Variants in SLC7A13 observed in about 807,000 individuals in gnomAD.
SLC7A13 encodes the protein X-amino acid transporter 2.
Under a neutral mutation model 32.0 loss-of-function variants are expected in SLC7A13, and 31 were observed. The ratio of observed to expected loss-of-function variants is 0.97; its 90% CI spans 0.73 to 1.31. The LOEUF (loss-of-function observed/expected upper bound fraction) is 1.31, where lower values mean the gene tolerates loss of function less well. Ranked by LOEUF, SLC7A13 falls within the 50% of genes most tolerant of loss-of-function variation. The probability of loss-of-function intolerance (pLI) is 0.00; values close to 1 mark genes in which losing one functional copy is unlikely to be tolerated. For synonymous variants in SLC7A13, 232 were observed against 206.9 expected, an observed-to-expected ratio of 1.12 and a Z score of -1.04; for missense variants, 633 against 546.9, an observed-to-expected ratio of 1.16 and a Z score of -1.57.
chr8:86,224,886 T>C (rs972882507), intron 1 of SLC7A13, among the ~76,000 whole-genome samples: 2 of 152,106 alleles, frequency 1.3e-5, no homozygotes, highest in African/African-American at 4.8e-5. Context: ...TCCCTATTTT[T>C]TTCATATTTA....
chr8:86,214,664 T>C lies in SLC7A13; in HGVS notation c.1180-18A>G, dbSNP rs1403124671. 6.4e-7 allele frequency: 1 copy of C among 1,566,540 alleles called. No individual in the cohort carries two copies. Among genetic ancestry groups the C allele is most frequent in the East Asian group, 2.3e-5 (1 of 44,144 alleles). On this transcript the variant is annotated intron_variant, in intron 3 of 3. Coordinates refer to ENST00000297524, the MANE Select transcript of SLC7A13 (RefSeq NM_138817.3). ...AAAAACACCTGAAAAGAGCAAAGTT[T>C]GAAAAAATATTGGATATGAACATCC...
At chr8:86,220,714 GA>G (rs1295617865) in intron 2 of SLC7A13, among the ~76,000 whole-genome samples, 4 of 151,946 alleles carry the variant, frequency 2.6e-5, no homozygotes, top group African/African-American at 9.7e-5. Flanking sequence ...CTTAATTTAA[GA>G]AACTATATTT....
intron 3 of SLC7A13, among the ~76,000 whole-genome samples, chr8:86,214,901 A>G (rs572881563): frequency 3.0e-4 from 46 of 152,266 alleles, no homozygotes; most frequent in African/African-American, 9.9e-4. Flanking sequence ...AACTAGAACC[A>G]TTTGCTGGTA....
At chr8:86,228,573 C>T (rs1318083503) in intron 1 of SLC7A13, among the ~76,000 whole-genome samples, 3 of 151,996 alleles carry the variant, frequency 2.0e-5, no homozygotes, top group Non-Finnish European at 4.4e-5. Flanking sequence ...TGGGCAGGTG[C>T]AGTGGCTCAC....
chr8:86,225,597 C>T (rs1010289950), intron 1 of SLC7A13, among the ~76,000 whole-genome samples: 2 of 152,030 alleles, frequency 1.3e-5, no homozygotes. Flanking sequence ...GCCAGACAAG[C>T]GACAAATATC....
intron 2 of SLC7A13, among the ~76,000 whole-genome samples, chr8:86,220,685 C>G (rs1430377698): frequency 6.6e-6 from 1 of 152,004 alleles, no homozygotes; most frequent in East Asian, 1.9e-4. Flanking sequence ...AAAAATGCAT[C>G]CCTTAATCGT....
At chr8:86,215,208 T>C (rs942623510) in intron 3 of SLC7A13, among the ~76,000 whole-genome samples, 3 of 152,176 alleles carry the variant, frequency 2.0e-5, no homozygotes, top group Non-Finnish European at 4.4e-5. Flanking sequence ...GACCAGTCCC[T>C]GGTACCTGCT....
intron 3 of SLC7A13, among the ~76,000 whole-genome samples, chr8:86,216,657 C>G (rs538797265): frequency 1.3e-5 from 2 of 152,246 alleles, no homozygotes; most frequent in African/African-American, 4.8e-5. Context: ...TTGTATTTAG[C>G]AAGATTTAAA....
At chr8:86,219,067 C>T (rs944016081) in intron 2 of SLC7A13, among the ~76,000 whole-genome samples, 3 of 152,078 alleles carry the variant, frequency 2.0e-5, no homozygotes, top group Non-Finnish European at 2.9e-5. Flanking sequence ...GCCTCAACTG[C>T]CATTTTACTT....
chr8:86,220,177 G>A (rs1156930503), intron 2 of SLC7A13, among the ~76,000 whole-genome samples: 2 of 152,000 alleles, frequency 1.3e-5, no homozygotes, highest in African/African-American at 2.4e-5. Flanking sequence ...ATGTATTTAC[G>A]GTTTTAGATT....
At chr8:86,228,961 A>C (rs1820438065) in intron 1 of SLC7A13, among the ~76,000 whole-genome samples, 1 of 152,160 alleles carries the variant, frequency 6.6e-6, no homozygotes, top group Admixed American at 6.5e-5. Context: ...GATTATAGGC[A>C]TGAGACATCA....
In SLC7A13 at chr8:86,217,726, A is replaced by T. The variant is rs775608960; in HGVS notation, c.923T>A (p.Phe308Tyr). ...SLFSNLLISI[F>Y]KSSRPIYLAS... ...AAGATATATTGGTCTCGATGATTTA[A>T]ATATAGAAATCAGAAGGTTGCTAAA... is the stretch of plus-strand genomic sequence containing the variant. The change falls in exon 3 of 4, where the codon TTT (phenylalanine) becomes TAT (tyrosine). Residue 308 changes from phenylalanine to tyrosine, a missense_variant. Phe to Tyr is a conservative substitution (Grantham distance 22). Coordinates refer to ENST00000297524, the MANE Select transcript of SLC7A13 (RefSeq NM_138817.3). 1.2e-6 allele frequency: 2 copies of T among 1,613,434 alleles called. No homozygotes were observed. The highest frequency in any genetic ancestry group is 1.7e-6 in the Non-Finnish European group (2 of 1,179,612).
intron 2 of SLC7A13, among the ~76,000 whole-genome samples, chr8:86,218,389 T>G (rs1460431596): frequency 6.6e-6 from 1 of 152,152 alleles, no homozygotes; most frequent in Non-Finnish European, 1.5e-5. Context: ...TAAAAATATG[T>G]ATGACATTCG....
intron 2 of SLC7A13, among the ~76,000 whole-genome samples, chr8:86,220,468 A>G (rs955586046): frequency 2.0e-5 from 3 of 152,138 alleles, no homozygotes; most frequent in Admixed American, 6.6e-5. Context: ...TCTGACACGG[A>G]CACAGACAAA....
At chr8:86,220,853 G>A (rs1189331473) in intron 2 of SLC7A13, among the ~76,000 whole-genome samples, 2 of 151,918 alleles carry the variant, frequency 1.3e-5, no homozygotes, top group South Asian at 2.1e-4. Flanking sequence ...AATTAGCCAG[G>A]TGTGGTGACC....
At chr8:86,228,721 G>C (rs2976184) in intron 1 of SLC7A13, among the ~76,000 whole-genome samples, 78,457 of 151,670 alleles carry the variant, frequency 0.52, 22,097 homozygotes, top group African/African-American at 0.74. Context: ...TGGTGCACAC[G>C]TGTAGTCCCA....
At chr8:86,224,135 GGTAA>G (rs1266921691) in intron 1 of SLC7A13, among the ~76,000 whole-genome samples, 1 of 152,130 alleles carries the variant, frequency 6.6e-6, no homozygotes, top group Non-Finnish European at 1.5e-5. Context: ...TAGTGACTAT[GGTAA>G]GTGTCTATAT....
Position 86,214,361 on chromosome 8 carries a change from T to G in SLC7A13, c.*52A>C. ...ATATGTTTAACCTTGATTTGGAATC[T>G]GATATATGTTTTTTAGAAGGCCAAT... On this transcript the variant is annotated 3_prime_UTR_variant, in exon 4 of 4. Transcript: ENST00000297524. 1.0e-6 allele frequency: 1 copy of G among 988,146 alleles called. No homozygotes were observed. Among genetic ancestry groups the G allele is most frequent in the South Asian group, 1.5e-5 (1 of 65,052 alleles). 61.2% of individuals were successfully genotyped at this position (988,146 alleles called of 1,614,324 possible).
Position 86,214,477 on chromosome 8 carries a change from TC to T in SLC7A13, c.1348del (p.Glu450ArgfsTer3), listed in dbSNP as rs764113792. 1 of 1,612,362 alleles carries T rather than the reference TC, an allele frequency of 6.2e-7. No homozygotes were observed. Among genetic ancestry groups the T allele is most frequent in the South Asian group, 1.1e-5 (1 of 91,042 alleles). ...IHFKIRLAWF[E>X]KMTCYLQLLF... ...TAATTGTAAATAGCAAGTCATCTTC[TC>T]AAACCAAGCCAATCTTATTTTAAAA... On this transcript the variant is annotated frameshift_variant, in exon 4 of 4. Transcript: ENST00000297524. LOFTEE classifies it high-confidence loss of function.
Sources: gnomAD v4.1 joint callset for allele counts (sites outside exome capture counted in the v4.1 genomes callset) on GRCh38, gnomAD v4.1.1 for gene constraint, MANE v1.5 for transcripts, NCBI Gene and HGNC (gene_info 2026-07-23, HGNC 2026-07-21) for gene names.